The following EPHB2 variants were observed in gnomAD, a reference collection of about 807,000 sequenced individuals.
The protein encoded by EPHB2 is ephrin type-B receptor 2.
A neutral mutation model predicts 96.4 loss-of-function variants in EPHB2; 18 were observed. That is an observed-to-expected ratio of 0.19 (90% CI 0.13 to 0.28). The LOEUF is 0.28. EPHB2 is among the 10% of genes least tolerant of loss of function. The pLI, the probability that EPHB2 is intolerant of heterozygous loss-of-function variation, is 1.00. For synonymous variants in EPHB2, 506 were observed against 534.1 expected (o/e 0.95, Z 0.72); for missense variants, 989 against 1,355.4 (o/e 0.73, Z 4.25).
intron 1 of EPHB2, among the ~76,000 whole-genome samples, chr1:22,734,691 G>A (rs1643787965): frequency 6.6e-6 from 1 of 152,142 alleles, no homozygotes; most frequent in Non-Finnish European, 1.5e-5. Flanking sequence ...AAAGCACTGG[G>A]ATTTACAGGC....
Position 22,875,565 on chromosome 1 carries a change from A to G in EPHB2, c.1304-6794A>G, listed in dbSNP as rs148461090. On this transcript the variant is annotated intron_variant, in intron 5 of 15. Transcript: ENST00000374630. This position sits in a 1 kb window ranked among gnomAD's most constrained non-coding sequence, Gnocchi z 4.2. ...GTAGACTCGGGTTCCTGAGGGCGCC[A>G]GAAAAGGGGAGAATCTGTCTGGTCC... 3.9e-3 allele frequency among the ~76,000 whole-genome samples: 597 copies of G among 152,268 alleles called. 14 individuals are homozygous for G. Among genetic ancestry groups the G allele is most frequent in the East Asian group, 4.3e-3 (22 of 5,164 alleles).
rs544126688 is a variant in EPHB2 at position 22,841,366 on chromosome 1, C to T, written c.812-21671C>T. Among the ~76,000 whole-genome samples the T allele has an allele frequency of 1.1e-3, 172 of 152,302 alleles. 1 individual carries two copies. The highest frequency in any genetic ancestry group is 4.0e-3 in the African/African-American group (165 of 41,564). Reference sequence around the variant, plus strand: ...CTGTGATCTTAACCAGGGCCTCTTGCTGTCGTTTAAGTCCTTGTAGGGCAG... The same window carrying T: ...CTGTGATCTTAACCAGGGCCTCTTGTTGTCGTTTAAGTCCTTGTAGGGCAG... On this transcript the variant is annotated intron_variant, in intron 3 of 15. Transcript: ENST00000374630.
intron 3 of EPHB2, among the ~76,000 whole-genome samples, chr1:22,853,713 C>A (rs1392188704): frequency 6.6e-6 from 1 of 152,252 alleles, no homozygotes; most frequent in African/African-American, 2.4e-5. Flanking sequence ...CTGGCAGTGC[C>A]TGCGGTGGCT....
intron 3 of EPHB2, among the ~76,000 whole-genome samples, chr1:22,830,867 C>A (rs143498479): frequency 6.6e-6 from 1 of 152,262 alleles, no homozygotes; most frequent in Non-Finnish European, 1.5e-5. Flanking sequence ...ATATTCATTT[C>A]TTTATGCCAA....
At chr1:22,909,540 A>G (rs1016959082) in intron 13 of EPHB2, among the ~76,000 whole-genome samples, 1 of 152,242 alleles carries the variant, frequency 6.6e-6, no homozygotes, top group African/African-American at 2.4e-5. Flanking sequence ...TTTTACGATC[A>G]GGTGCTAAAT....
Position 22,836,419 on chromosome 1 carries a change from G to C in EPHB2, c.812-26618G>C, listed in dbSNP as rs147261111. Among the ~76,000 whole-genome samples the C allele has an allele frequency of 7.2e-3, 1,093 of 152,360 alleles. 14 individuals carry two copies. The highest frequency in any genetic ancestry group is 0.047 in the South Asian group (228 of 4,828). ...GACAGCTATTGTGGTTTTGTGAGCA[G>C]TTGCTTCAATGGGCATGTATTTTGG... On this transcript the variant is annotated intron_variant, in intron 3 of 15. Coordinates refer to ENST00000374630, the MANE Select transcript of EPHB2 (RefSeq NM_017449.5).
At chr1:22,835,162 T>C (rs764678950) in intron 3 of EPHB2, among the ~76,000 whole-genome samples, 31 of 152,092 alleles carry the variant, frequency 2.0e-4, no homozygotes, top group Non-Finnish European at 4.4e-4. Context: ...GCAGATTGCT[T>C]GAGTCCAGGA....
intron 3 of EPHB2, among the ~76,000 whole-genome samples, chr1:22,803,940 A>G (rs1231595162): frequency 6.6e-6 from 1 of 151,492 alleles, no homozygotes. Context: ...GTGTTTAGAG[A>G]TAGTGGTTAG....
intron 3 of EPHB2, among the ~76,000 whole-genome samples, chr1:22,797,612 T>C (rs2148442698): frequency 6.6e-6 from 1 of 152,172 alleles, no homozygotes; most frequent in South Asian, 2.1e-4. Context: ...AAGTCCAGAC[T>C]CACTCCACTG....
chr1:22,782,254 T>A (rs1644543770), intron 2 of EPHB2, among the ~76,000 whole-genome samples: 1 of 152,212 alleles, frequency 6.6e-6, no homozygotes, highest in African/African-American at 2.4e-5. Context: ...TGCGAGGTTT[T>A]CCTGCAAAGT....
At chr1:22,828,943 AAC>A (rs1226651829) in intron 3 of EPHB2, among the ~76,000 whole-genome samples, 1 of 152,264 alleles carries the variant, frequency 6.6e-6, no homozygotes, top group South Asian at 2.1e-4. Flanking sequence ...TGTTACAGTA[AAC>A]ACACACGCAT....
chr1:22,878,336 T>C (rs1010807309), intron 5 of EPHB2, among the ~76,000 whole-genome samples: 2 of 152,250 alleles, frequency 1.3e-5, no homozygotes, highest in African/African-American at 4.8e-5. Flanking sequence ...CAGAGCTCCA[T>C]GCCACTTCTG....
At chr1:22,777,049 T>C (rs1175978136) in intron 1 of EPHB2, among the ~76,000 whole-genome samples, 2 of 152,124 alleles carry the variant, frequency 1.3e-5, no homozygotes, top group African/African-American at 2.4e-5. Context: ...CTGCAGAGCT[T>C]TGGGGCAGAA....
At chr1:22,905,583 C>T (rs1639884484) in intron 9 of EPHB2, among the ~76,000 whole-genome samples, 1 of 152,210 alleles carries the variant, frequency 6.6e-6, no homozygotes, top group African/African-American at 2.4e-5. Flanking sequence ...TTCCAATTCG[C>T]TCCCTTCCTT....
chr1:22,780,996 G>A (rs1644521809), intron 1 of EPHB2, among the ~76,000 whole-genome samples: 1 of 152,070 alleles, frequency 6.6e-6, no homozygotes, highest in Admixed American at 6.5e-5. Flanking sequence ...GAAGTAGGCG[G>A]GGCTCTCAGT....
chr1:22,802,164 G>T (rs188851115), intron 3 of EPHB2, among the ~76,000 whole-genome samples: 2 of 152,158 alleles, frequency 1.3e-5, no homozygotes, highest in East Asian at 1.9e-4. Context: ...AGAAGAGAAG[G>T]GGGCTAGGGG....
At chr1:22,760,846 G>T (rs1644225582) in intron 1 of EPHB2, among the ~76,000 whole-genome samples, 1 of 152,156 alleles carries the variant, frequency 6.6e-6, no homozygotes, top group Admixed American at 6.5e-5. Context: ...TCTCGGGTAG[G>T]TATAAGATCC....
intron 1 of EPHB2, among the ~76,000 whole-genome samples, chr1:22,721,860 CCTT>C (rs1430748830): frequency 6.6e-6 from 1 of 151,960 alleles, no homozygotes; most frequent in Non-Finnish European, 1.5e-5. Context: ...AAGCAGTCCT[CCTT>C]CTTCAGCCTC....
intron 3 of EPHB2, among the ~76,000 whole-genome samples, chr1:22,852,278 C>T (rs996775044): frequency 1.3e-5 from 2 of 152,174 alleles, no homozygotes; most frequent in Admixed American, 6.5e-5. Context: ...AGCTCGGACC[C>T]CAGGACAACC....
Sources: allele counts gnomAD v4.1 joint callset (sites outside exome capture counted in the v4.1 genomes callset), GRCh38; gene constraint gnomAD v4.1.1; non-coding constraint Gnocchi (gnomAD v3.1); transcripts MANE v1.5; gene names NCBI Gene and HGNC (gene_info 2026-07-23, HGNC 2026-07-21).